Variants in SLC20A1 observed in about 807,000 individuals in gnomAD.
SLC20A1 encodes the protein solute carrier family 20 member 1.
In SLC20A1, 28 loss-of-function variants were observed where a neutral mutation model predicts 62.7. The ratio of observed to expected loss-of-function variants is 0.45; its 90% CI spans 0.33 to 0.61. The LOEUF (loss-of-function observed/expected upper bound fraction) is 0.61, where lower values mean the gene tolerates loss of function less well. SLC20A1 is among the 20% of genes least tolerant of loss of function. SLC20A1 has a pLI of 0.02. For synonymous variants in SLC20A1, 305 were observed against 302.9 expected (o/e 1.01, Z -0.07); for missense variants, 673 against 838.6 (o/e 0.80, Z 2.44).
chr2:112,659,147 T>C, intron 7 of SLC20A1, 53 bp downstream of exon 7: 3 of 1,606,646 alleles, frequency 1.9e-6, no homozygotes, highest in Non-Finnish European at 2.6e-6. Flanking sequence ...TGAGGAGGCT[T>C]ATTGTTTTGG....
Position 112,663,353 on chromosome 2 carries a change from G to T in SLC20A1, c.*328G>T, listed in dbSNP as rs1224810891. On this transcript the variant is annotated 3_prime_UTR_variant, in exon 11 of 11. Transcript: ENST00000272542. ...AATGTTGTCTCTGAAGATGACTTGTGATTTTTTTTTCTTTTTTTTAAACCA... is the reference window on the plus strand; with the variant it reads ...AATGTTGTCTCTGAAGATGACTTGTTATTTTTTTTTCTTTTTTTTAAACCA... The T allele has an allele frequency of 5.5e-6, 2 of 363,238 alleles. No homozygotes were observed. Among genetic ancestry groups the T allele is most frequent in the East Asian group, 7.7e-5 (1 of 12,946 alleles). 22.5% of individuals were successfully genotyped at this position (363,238 alleles called of 1,614,324 possible). A position where few individuals can be genotyped will look rare whatever the true frequency, so the allele number is the denominator to read the frequency against.
chr2:112,656,194 T>C (rs1351366552), intron 5 of SLC20A1, among the ~76,000 whole-genome samples: 1 of 11,940 alleles, frequency 8.4e-5, no homozygotes, highest in African/African-American at 1.4e-4. Flanking sequence ...AAAACTTTTT[T>C]TTTTTTTTTT....
At position 112,659,449 on chromosome 2, in the gene SLC20A1, T is replaced by A; in HGVS notation, c.1294T>A (p.Ser432Thr). 3 of 1,614,222 alleles carry A rather than the reference T, an allele frequency of 1.9e-6. No individual in the cohort carries two copies. The highest frequency in any genetic ancestry group is 2.5e-6 in the Non-Finnish European group (3 of 1,180,044). ...GGCAATATGTGGCATGCCTCTGGAT[T>A]CATTCCGTGCCAAAGAAGGTGAACA... ...TMAICGMPLDSFRAKEGEQKG... is the reference protein window; with the variant it reads ...TMAICGMPLDTFRAKEGEQKG... The change falls in exon 8 of 11, where the codon TCA becomes ACA. Residue 432 changes from serine (S) to threonine (T), a missense_variant. By Grantham distance (58) the Ser-to-Thr change is moderately conservative (BLOSUM62 1). Transcript: ENST00000272542.
intron 3 of SLC20A1, 67 bp from the exon 4 acceptor site, chr2:112,647,586 A>G (rs1686318725): frequency 1.3e-6 from 2 of 1,582,462 alleles, no homozygotes; most frequent in Admixed American, 3.3e-5. Flanking sequence ...ACTCTTAAAC[A>G]TTTAAAGTGG....
intron 8 of SLC20A1, 81 bp from the exon 9 acceptor site, chr2:112,660,305 TG>T: frequency 2.4e-6 from 3 of 1,239,812 alleles, no homozygotes; most frequent in Non-Finnish European, 3.5e-6. Flanking sequence ...TTAGACAACC[TG>T]GTAGATCATT....
At chr2:112,647,801 T>C in intron 4 of SLC20A1, 63 bp downstream of exon 4, 1 of 1,334,976 alleles carries the variant, frequency 7.5e-7, no homozygotes, top group East Asian at 2.3e-5. Flanking sequence ...TCAAACCCAG[T>C]GGTACTTTTG....
At position 112,663,354 on chromosome 2, in the gene SLC20A1, AT is replaced by A. The variant is rs1044877034; in HGVS notation, c.*338del. ...ATGTTGTCTCTGAAGATGACTTGTG[AT>A]TTTTTTTTCTTTTTTTTAAACCATG... On this transcript the variant is annotated 3_prime_UTR_variant, in exon 11 of 11. Coordinates refer to ENST00000272542, the MANE Select transcript of SLC20A1 (RefSeq NM_005415.5). 10 of 352,990 alleles carry A rather than the reference AT, an allele frequency of 2.8e-5. No homozygotes were observed. Among genetic ancestry groups the A allele is most frequent in the East Asian group, 8.1e-5 (1 of 12,282 alleles). The allele number at this position is 352,990 out of a possible 1,614,324, so 21.9% of individuals were successfully genotyped here.
chr2:112,659,322 A>G lies in SLC20A1; in HGVS notation c.1167A>G (p.Lys389=). The G allele has an allele frequency of 6.2e-7, 1 of 1,614,222 alleles. No homozygotes were observed. Among genetic ancestry groups the G allele is most frequent in the Non-Finnish European group, 8.5e-7 (1 of 1,180,036 alleles). Residue 389 remains lysine (K), a synonymous_variant, in exon 8 of 11, where the codon AAA becomes AAG. Coordinates refer to ENST00000272542, the MANE Select transcript of SLC20A1 (RefSeq NM_005415.5). ...TGCATAAGGATTCCGGCCTGTACAA[A>G]GAGCTACTCCATAAATTACATCTTG... is the stretch of plus-strand genomic sequence containing the variant. ...HTVHKDSGLY[K]ELLHKLHLAK...
At chr2:112,653,289 C>G (rs888848546) in intron 5 of SLC20A1, 2 of 166,728 alleles carry the variant, frequency 1.2e-5, no homozygotes, top group African/African-American at 4.8e-5. Context: ...TCTAAGTGCA[C>G]TTGGAAGAAG....
chr2:112,648,649 AG>A (rs1448378808), intron 4 of SLC20A1, among the ~76,000 whole-genome samples: 8 of 152,240 alleles, frequency 5.3e-5, no homozygotes, highest in Admixed American at 2.0e-4. Flanking sequence ...TTCTATGACT[AG>A]TAAAGTGATT....
At position 112,652,491 on chromosome 2, in the gene SLC20A1, GA is replaced by G. The variant is rs913891901; in HGVS notation, c.562-205del. The stretch of plus-strand genomic sequence containing the variant: ...GGTACAGTTAGTCTTGTTATTAAAA[GA>G]AAAAAGAAAAAAAAACAGGTAGAAG... On this transcript the variant is annotated intron_variant, in intron 4 of 10. Coordinates refer to ENST00000272542, the MANE Select transcript of SLC20A1 (RefSeq NM_005415.5). 3 of 577,744 alleles carry G rather than the reference GA, an allele frequency of 5.2e-6. No homozygotes were observed. In the African/African-American group the frequency reaches 5.7e-5, roughly 11 times the overall value. The allele number at this position is 577,744 out of a possible 1,614,324, so 35.8% of individuals were successfully genotyped here. A position where few individuals can be genotyped will look rare whatever the true frequency, so the allele number is the denominator to read the frequency against.
intron 6 of SLC20A1, 108 bp from the exon 7 acceptor site, chr2:112,658,717 A>C: frequency 4.1e-6 from 5 of 1,213,284 alleles, no homozygotes; most frequent in Non-Finnish European, 5.8e-6. Context: ...TGAAGTTCAC[A>C]TACATTCTTG....
rs774549910 is a variant in SLC20A1 at position 112,657,190 on chromosome 2, G to A, written c.727G>A (p.Ala243Thr). ...LISVGCAVFC[A>T]LIVWFFVCPR... Reference sequence around the variant, plus strand: ...CTCGGTGGGATGTGCAGTTTTCTGTGCCCTTATCGTCTGGTTCTTTGTATG... The same window carrying A: ...CTCGGTGGGATGTGCAGTTTTCTGTACCCTTATCGTCTGGTTCTTTGTATG... The change falls in exon 6 of 11, where the codon GCC becomes ACC. Residue 243 changes from alanine (A) to threonine (T), a missense_variant. Physicochemically the swap from Ala to Thr is moderately conservative, Grantham distance 58. Coordinates refer to ENST00000272542, the MANE Select transcript of SLC20A1 (RefSeq NM_005415.5). 2.5e-6 allele frequency: 4 copies of A among 1,613,222 alleles called. No individual in the cohort carries two copies. The highest frequency in any genetic ancestry group is 2.2e-5 in the South Asian group (2 of 90,994).
intron 5 of SLC20A1, among the ~76,000 whole-genome samples, chr2:112,654,865 C>T (rs1050708882): frequency 1.5e-5 from 2 of 137,062 alleles, no homozygotes; most frequent in Non-Finnish European, 3.0e-5. Context: ...CACTGTACTC[C>T]AGCCTGGGCG....
rs1437180573 is a variant in SLC20A1, at chr2:112,657,213, A to G, written c.750A>G (p.Val250=). ...GTGCCCTTATCGTCTGGTTCTTTGT[A>G]TGTCCCAGGATGAAGAGAAAAATTG... ...VFCALIVWFF[V]CPRMKRKIER... Residue 250 remains valine, a synonymous_variant, in exon 6 of 11, where the codon GTA becomes GTG. Coordinates refer to ENST00000272542, the MANE Select transcript of SLC20A1 (RefSeq NM_005415.5). 3 of 1,613,712 alleles carry G rather than the reference A, an allele frequency of 1.9e-6. No homozygotes were observed. The highest frequency in any genetic ancestry group is 1.3e-5 in the African/African-American group (1 of 74,854).
rs1686294437 is a variant in SLC20A1 at position 112,646,880 on chromosome 2, T to C, written c.52T>C (p.Leu18=). The C allele has an allele frequency of 1.2e-6, 2 of 1,613,864 alleles. No homozygotes were observed. Among genetic ancestry groups the C allele is most frequent in the Non-Finnish European group, 1.7e-6 (2 of 1,179,910 alleles). ...AGCTGCTACCGCCGCTTCTGGTCCT[T>C]TGGTGGACTACCTATGGATGCTCAT... The part of the protein sequence containing the change: ...TTAATAASGP[L]VDYLWMLILG... The change falls in exon 2 of 11, where the codon TTG becomes CTG. Residue 18 remains leucine (L), a synonymous_variant. Coordinates refer to ENST00000272542, the MANE Select transcript of SLC20A1 (RefSeq NM_005415.5).
At chr2:112,647,986 G>C (rs868090544) in intron 4 of SLC20A1, among the ~76,000 whole-genome samples, 1 of 151,968 alleles carries the variant, frequency 6.6e-6, no homozygotes, top group Admixed American at 6.5e-5. Flanking sequence ...GAAACTGGGA[G>C]CAAAAAAATA....
intron 10 of SLC20A1, 99 bp downstream of exon 10, chr2:112,661,325 A>C (rs1686742629): frequency 2.3e-6 from 2 of 878,278 alleles, no homozygotes; most frequent in African/African-American, 3.3e-5. Flanking sequence ...AGTTTTGTGC[A>C]GTTGGAGTCT....
intron 6 of SLC20A1, 106 bp from the exon 7 acceptor site, chr2:112,658,719 A>G (rs1455247898): frequency 8.2e-7 from 1 of 1,224,294 alleles, no homozygotes; most frequent in East Asian, 2.4e-5. Context: ...AAGTTCACAT[A>G]CATTCTTGTT....
Sources: gnomAD v4.1 joint callset for allele counts (sites outside exome capture counted in the v4.1 genomes callset) on GRCh38, gnomAD v4.1.1 for gene constraint, MANE v1.5 for transcripts, NCBI Gene and HGNC (gene_info 2026-07-23, HGNC 2026-07-21) for gene names.